Variants in VPS18 observed in about 807,000 individuals in gnomAD.
The protein encoded by VPS18 is vacuolar protein sorting-associated protein 18 homolog.
In VPS18, 25 loss-of-function variants were observed where a neutral mutation model predicts 82.0. That is an observed-to-expected ratio of 0.30 (90% confidence interval 0.22 to 0.43). VPS18 has a LOEUF of 0.43. Among genes scored for constraint, VPS18 ranks in the 20% least tolerant of loss-of-function variants. The pLI, the probability that VPS18 is intolerant of heterozygous loss-of-function variation, is 1.00. For missense variants in VPS18, 1,168 were observed against 1,311.1 expected (o/e 0.89, Z 1.69); for synonymous variants, 523 against 543.0 (o/e 0.96, Z 0.51).
Position 40,899,598 on chromosome 15 carries a change from G to T in VPS18, c.780G>T (p.Glu260Asp). The change falls in exon 4 of 5, where the codon GAG (glutamate) becomes GAT (aspartate). Residue 260 changes from glutamate to aspartate, a missense_variant. By Grantham distance (45) the Glu-to-Asp change is conservative. This residue lies in a region of VPS18 where 868 missense variants were observed against 939.8 expected (regional missense o/e 0.92). Transcript: ENST00000220509. The surrounding 1 kb of genome is among the most constrained non-coding windows in gnomAD (Gnocchi z 4.4). Reference protein sequence around the residue: ...AYTDHPPPFREFPSNLGYSEL... With the variant: ...AYTDHPPPFRDFPSNLGYSEL... Reference sequence around the variant, plus strand: ...CGGACCACCCACCCCCATTCCGTGAGTTTCCCAGCAACCTGGGCTACAGTG... The same window carrying T: ...CGGACCACCCACCCCCATTCCGTGATTTTCCCAGCAACCTGGGCTACAGTG... The T allele has an allele frequency of 6.2e-7, 1 of 1,609,694 alleles. No individual in the cohort carries two copies.
In VPS18 at chr15:40,903,277, G is replaced by T. The variant is rs199939115; in HGVS notation, c.2858G>T (p.Arg953Leu). 11 of 1,585,548 alleles carry T rather than the reference G, an allele frequency of 6.9e-6. No individual in the cohort carries two copies. Among genetic ancestry groups the T allele is most frequent in the Non-Finnish European group, 9.4e-6 (11 of 1,165,534 alleles). ...GTGTACTGTGGGGAGCTGATGATCC[G>T]CTCTATCGACCGGCCGTTCATCGAC... ...ECVYCGELMIRSIDRPFIDPQ... is the reference protein window; with the variant it reads ...ECVYCGELMILSIDRPFIDPQ... The change falls in exon 5 of 5, where the codon CGC becomes CTC. Residue 953 changes from arginine to leucine, a missense_variant. Arg to Leu is a moderately radical substitution (Grantham distance 102, BLOSUM62 -2). Coordinates refer to ENST00000220509, the MANE Select transcript of VPS18 (RefSeq NM_020857.3).
Position 40,902,869 on chromosome 15 carries a change from A to T in VPS18, c.2450A>T (p.Gln817Leu), listed in dbSNP as rs757725445. The T allele has an allele frequency of 6.2e-7, 1 of 1,614,268 alleles. No individual in the cohort carries two copies. The highest frequency in any genetic ancestry group is 1.7e-5 in the Admixed American group (1 of 60,034). The change falls in exon 5 of 5, where the codon CAG (glutamine) becomes CTG (leucine). Residue 817 changes from glutamine (Q) to leucine (L), a missense_variant. Coordinates refer to ENST00000220509, the MANE Select transcript of VPS18 (RefSeq NM_020857.3). The surrounding 1 kb of genome is among the most constrained non-coding windows in gnomAD (Gnocchi z 4.2). ...SSLKAYNHHI[Q>L]ELQREMEEAT... ...CTTAAGGCCTACAACCACCACATCC[A>T]GGAGCTGCAGCGGGAGATGGAAGAG...
chr15:40,899,182 C>T lies in VPS18; in HGVS notation c.364C>T (p.Leu122Phe), dbSNP rs1892291429. 3 of 1,614,164 alleles carry T rather than the reference C, an allele frequency of 1.9e-6. No individual in the cohort carries two copies. The highest frequency in any genetic ancestry group is 2.2e-5 in the South Asian group (2 of 91,078). The change falls in exon 4 of 5, where the codon CTC (leucine) becomes TTC (phenylalanine). Residue 122 changes from leucine to phenylalanine, a missense_variant. This residue lies in a region of VPS18 where 868 missense variants were observed against 939.8 expected (regional missense o/e 0.92). Coordinates refer to ENST00000220509, the MANE Select transcript of VPS18 (RefSeq NM_020857.3). This position sits in a 1 kb window ranked among gnomAD's most constrained non-coding sequence, Gnocchi z 4.4. ...GATTGCCCTGAGCAGCACGGAGGTCCTCTACGTGAACCGAAATGGACAGAA... is the reference window on the plus strand; with the variant it reads ...GATTGCCCTGAGCAGCACGGAGGTCTTCTACGTGAACCGAAATGGACAGAA... ...LLIALSSTEV[L>F]YVNRNGQKVR... is the part of the protein sequence containing the mutation.
Position 40,899,376 on chromosome 15 carries a change from G to A in VPS18, c.558G>A (p.Pro186=), listed in dbSNP as rs142375071. 1,028 of 1,610,086 alleles carry A rather than the reference G, an allele frequency of 6.4e-4. 2 individuals carry two copies. In the African/African-American group the frequency reaches 0.011, roughly 18 times the overall value. The change falls in exon 4 of 5, where the codon CCG becomes CCA. Residue 186 remains proline (P), a synonymous_variant. Transcript: ENST00000220509. This position sits in a 1 kb window ranked among gnomAD's most constrained non-coding sequence, Gnocchi z 4.4. The part of the protein sequence containing the change: ...ASEGGLFGPA[P]DLYFRPLYVL... ...AAGGTGGGCTTTTCGGCCCTGCTCC[G>A]GATCTCTACTTCCGCCCATTGTACG...
chr15:40,902,928 C>G lies in VPS18; in HGVS notation c.2509C>G (p.Leu837Val). 6.2e-7 allele frequency: 1 copy of G among 1,614,274 alleles called. No homozygotes were observed. Among genetic ancestry groups the G allele is most frequent in the Non-Finnish European group, 8.5e-7 (1 of 1,180,060 alleles). The change falls in exon 5 of 5, where the codon CTG (leucine) becomes GTG (valine). Residue 837 changes from leucine to valine, a missense_variant. Physicochemically the swap from Leu to Val is conservative, Grantham distance 32 (BLOSUM62 1). This residue lies in a region of VPS18 where 296 missense variants were observed against 354.0 expected (regional missense o/e 0.84). Coordinates refer to ENST00000220509, the MANE Select transcript of VPS18 (RefSeq NM_020857.3). This position sits in a 1 kb window ranked among gnomAD's most constrained non-coding sequence, Gnocchi z 4.2. ...TASAQRIRRD[L>V]QELRGRYGTV... The stretch of plus-strand genomic sequence containing the variant: ...CAGTGCCCAGCGCATCCGGCGAGAC[C>G]TGCAGGAGCTGCGGGGCCGCTACGG...
In VPS18 at chr15:40,894,486, T is replaced by A. The variant is rs760853265; in HGVS notation, c.-283T>A. The A allele has an allele frequency of 3.0e-6, 1 of 331,098 alleles. No individual in the cohort carries two copies. The highest frequency in any genetic ancestry group is 5.5e-6 in the Non-Finnish European group (1 of 182,004). The allele number at this position is 331,098 out of a possible 1,614,324, so 20.5% of individuals were successfully genotyped here. On this transcript the variant is annotated 5_prime_UTR_variant, in exon 1 of 5. Transcript: ENST00000220509. ...CTGCCGGGGCGAGGTTGGGATCACC[T>A]GGCACCGGCTGAAGGGAGCCTGTGA...
chr15:40,897,276 A>G (rs1892245851), intron 2 of VPS18, among the ~76,000 whole-genome samples: 1 of 152,024 alleles, frequency 6.6e-6, no homozygotes, highest in Admixed American at 6.6e-5. Context: ...AGCCTGGATG[A>G]CAAGAGCAAG....
rs201076093 is a variant in VPS18, at chr15:40,900,989, A to G, written c.2171A>G (p.Glu724Gly). The change falls in exon 4 of 5, where the codon GAG (glutamate) becomes GGG (glycine). Residue 724 changes from glutamate (E) to glycine (G), a missense_variant. This residue lies in a region of VPS18 where 296 missense variants were observed against 354.0 expected (regional missense o/e 0.84). Transcript: ENST00000220509. This position sits in a 1 kb window ranked among gnomAD's most constrained non-coding sequence, Gnocchi z 5.4. Reference protein sequence around the residue: ...VHVYKVLELYEEAVDLALQVD... With the variant: ...VHVYKVLELYGEAVDLALQVD... Reference sequence around the variant, plus strand: ...GTCTACAAGGTCCTAGAGCTGTATGAGGAGGCCGTGGACCTGGCCCTGCAG... The same window carrying G: ...GTCTACAAGGTCCTAGAGCTGTATGGGGAGGCCGTGGACCTGGCCCTGCAG... 79 of 1,605,300 alleles carry G rather than the reference A, an allele frequency of 4.9e-5. No homozygotes were observed. Among genetic ancestry groups the G allele is most frequent in the Admixed American group, 1.0e-4 (6 of 59,974 alleles).
At position 40,902,695 on chromosome 15, in the gene VPS18, T is replaced by A; in HGVS notation, c.2276T>A (p.Ile759Asn). 1 of 1,614,250 alleles carries A rather than the reference T, an allele frequency of 6.2e-7. No homozygotes were observed. Among genetic ancestry groups the A allele is most frequent in the Non-Finnish European group, 8.5e-7 (1 of 1,180,046 alleles). ...EELRKKLWLK[I>N]ARHVVQEEED... ...TTGCGCAAGAAGCTGTGGCTGAAGATCGCACGGCACGTGGTGCAGGAAGAG... is the reference window on the plus strand; with the variant it reads ...TTGCGCAAGAAGCTGTGGCTGAAGAACGCACGGCACGTGGTGCAGGAAGAG... The change falls in exon 5 of 5, where the codon ATC becomes AAC. Residue 759 changes from isoleucine (I) to asparagine (N), a missense_variant. Physicochemically the swap from Ile to Asn is moderately radical, Grantham distance 149 (BLOSUM62 -3). Around this residue, in one of 3 missense-constraint regions of VPS18, gnomAD observed 296 missense variants for 354.0 expected, o/e 0.84. Coordinates refer to ENST00000220509, the MANE Select transcript of VPS18 (RefSeq NM_020857.3). This position sits in a 1 kb window ranked among gnomAD's most constrained non-coding sequence, Gnocchi z 4.2.
At chr15:40,898,078 T>C (rs954665421) in intron 2 of VPS18, among the ~76,000 whole-genome samples, 1 of 151,960 alleles carries the variant, frequency 6.6e-6, no homozygotes, top group African/African-American at 2.4e-5. Flanking sequence ...GCCATTCTCC[T>C]GCCTCAGCCT....
Position 40,900,307 on chromosome 15 carries a change from G to A in VPS18, c.1489G>A (p.Glu497Lys). 2 of 1,613,808 alleles carry A rather than the reference G, an allele frequency of 1.2e-6. No homozygotes were observed. Among genetic ancestry groups the A allele is most frequent in the Non-Finnish European group, 1.7e-6 (2 of 1,180,022 alleles). The change falls in exon 4 of 5, where the codon GAG (glutamate) becomes AAG (lysine). Residue 497 changes from glutamate to lysine, a missense_variant. By Grantham distance (56) the Glu-to-Lys change is moderately conservative. This residue lies in a region of VPS18 where 868 missense variants were observed against 939.8 expected (regional missense o/e 0.92). Coordinates refer to ENST00000220509, the MANE Select transcript of VPS18 (RefSeq NM_020857.3). The surrounding 1 kb of genome is among the most constrained non-coding windows in gnomAD (Gnocchi z 5.4). The part of the protein sequence containing the change: ...QATLLTTWLT[E>K]LYLSRLGALQ... The stretch of plus-strand genomic sequence containing the variant: ...CACACTGCTGACCACCTGGCTGACA[G>A]AGCTCTACCTGAGCCGGCTTGGGGC...
Position 40,899,694 on chromosome 15 carries a change from G to T in VPS18, c.876G>T (p.Val292=). Residue 292 remains valine, a synonymous_variant, in exon 4 of 5, where the codon GTG becomes GTT. Transcript: ENST00000220509. The surrounding 1 kb of genome is among the most constrained non-coding windows in gnomAD (Gnocchi z 4.4). ...RAFAWMMGDG[V]LYGALDCGRP... ...TCGCCTGGATGATGGGGGATGGTGT[G>T]TTGTATGGGGCATTGGACTGTGGGC... 9.3e-6 allele frequency: 15 copies of T among 1,613,964 alleles called. No individual in the cohort carries two copies. Among genetic ancestry groups the T allele is most frequent in the Non-Finnish European group, 1.3e-5 (15 of 1,180,048 alleles).
rs1892324179 is a variant in VPS18 at position 40,900,211 on chromosome 15, C to T, written c.1393C>T (p.Gln465Ter). 3 of 1,613,712 alleles carry T rather than the reference C, an allele frequency of 1.9e-6. No individual in the cohort carries two copies. Among genetic ancestry groups the T allele is most frequent in the Non-Finnish European group, 2.5e-6 (3 of 1,180,032 alleles). Residue 465 changes from glutamine (Q) to a stop codon, truncating the protein, a stop_gained, in exon 4 of 5, where the codon CAG becomes TAG. Coordinates refer to ENST00000220509, the MANE Select transcript of VPS18 (RefSeq NM_020857.3). LOFTEE classifies it high-confidence loss of function. This position sits in a 1 kb window ranked among gnomAD's most constrained non-coding sequence, Gnocchi z 5.4. ...TGCCCTCAAGTTCCTGGAGGCCCGA[C>T]AGGAGGAGGCTCTGGCTGAGTTCCT... is the stretch of plus-strand genomic sequence containing the variant. ...EIALKFLEARQEEALAEFLQR... is the reference protein window; with the variant it reads ...EIALKFLEAR
chr15:40,898,976 C>T lies in VPS18; in HGVS notation c.303C>T (p.His101=). 1.2e-6 allele frequency: 2 copies of T among 1,614,072 alleles called. No homozygotes were observed. Among genetic ancestry groups the T allele is most frequent in the Non-Finnish European group, 8.5e-7 (1 of 1,180,010 alleles). Residue 101 remains histidine (H), a synonymous_variant, in exon 3 of 5, where the codon CAC becomes CAT. Coordinates refer to ENST00000220509, the MANE Select transcript of VPS18 (RefSeq NM_020857.3). The stretch of plus-strand genomic sequence containing the variant: ...GACGTAAGGATGACGCAAAAGTTCA[C>T]AAGATGTTCCTTGACCATACTGGTA... ...ELGRKDDAKV[H]KMFLDHTGSH...
Position 40,902,560 on chromosome 15 carries a change from A to G in VPS18, c.2197-56A>G. The G allele has an allele frequency of 5.1e-6, 8 of 1,558,974 alleles. No individual in the cohort carries two copies. Among genetic ancestry groups the G allele is most frequent in the Non-Finnish European group, 7.0e-6 (8 of 1,149,932 alleles). Reference sequence around the variant, plus strand: ...CTCCTCGGCCATCTCTCTCTCCCATAGTCTCCATGTTGGGCAGGGAGGGGC... The same window carrying G: ...CTCCTCGGCCATCTCTCTCTCCCATGGTCTCCATGTTGGGCAGGGAGGGGC... On this transcript the variant is annotated intron_variant, in intron 4 of 4. Coordinates refer to ENST00000220509, the MANE Select transcript of VPS18 (RefSeq NM_020857.3). The surrounding 1 kb of genome is among the most constrained non-coding windows in gnomAD (Gnocchi z 4.2).
chr15:40,900,412 C>T lies in VPS18; in HGVS notation c.1594C>T (p.His532Tyr), dbSNP rs1444026799. ...CFRTFLSSPR[H>Y]KEWLFASRAS... is the part of the protein sequence containing the mutation. ...TCGAACCTTCCTCAGCAGCCCCCGC[C>T]ACAAAGAGTGGCTCTTTGCCAGCCG... Residue 532 changes from histidine (H) to tyrosine (Y), a missense_variant, in exon 4 of 5, where the codon CAC (histidine) becomes TAC (tyrosine). Physicochemically the swap from His to Tyr is moderately conservative, Grantham distance 83. Around this residue, in one of 3 missense-constraint regions of VPS18, gnomAD observed 868 missense variants for 939.8 expected, o/e 0.92. Transcript: ENST00000220509. The surrounding 1 kb of genome is among the most constrained non-coding windows in gnomAD (Gnocchi z 5.4). 6.2e-7 allele frequency: 1 copy of T among 1,614,056 alleles called. No individual in the cohort carries two copies. The highest frequency in any genetic ancestry group is 2.2e-5 in the East Asian group (1 of 44,880).
rs1390791302 is a variant in VPS18 at position 40,900,792 on chromosome 15, G to C, written c.1974G>C (p.Glu658Asp). The C allele has an allele frequency of 6.2e-7, 1 of 1,614,102 alleles. No individual in the cohort carries two copies. Among genetic ancestry groups the C allele is most frequent in the Non-Finnish European group, 8.5e-7 (1 of 1,180,052 alleles). The change falls in exon 4 of 5, where the codon GAG becomes GAC. Residue 658 changes from glutamate (E) to aspartate (D), a missense_variant. This residue lies in a region of VPS18 where 868 missense variants were observed against 939.8 expected (regional missense o/e 0.92). Coordinates refer to ENST00000220509, the MANE Select transcript of VPS18 (RefSeq NM_020857.3). This position sits in a 1 kb window ranked among gnomAD's most constrained non-coding sequence, Gnocchi z 5.4. Reference protein sequence around the residue: ...YMEFCVNVLGETEQAIHNYLL... With the variant: ...YMEFCVNVLGDTEQAIHNYLL... ...AGTTCTGCGTGAACGTGCTGGGGGA[G>C]ACTGAGCAGGCCATCCACAACTACC...
chr15:40,894,855 C>A lies in VPS18; in HGVS notation c.87C>A (p.His29Gln). 1 of 1,551,980 alleles carries A rather than the reference C, an allele frequency of 6.4e-7. No individual in the cohort carries two copies. Among genetic ancestry groups the A allele is most frequent in the Non-Finnish European group, 8.7e-7 (1 of 1,148,114 alleles). ...QPGCPSVGIP[H>Q]SGYVNAQLEK... is the part of the protein sequence containing the mutation. ...GCTGCCCTAGCGTGGGCATCCCCCA[C>A]TCGGGTAAGGAAGAGGAGGGTGCCG... is the stretch of plus-strand genomic sequence containing the variant. Residue 29 changes from histidine to glutamine, a missense_variant, in exon 1 of 5, where the codon CAC becomes CAA. Around this residue, in one of 3 missense-constraint regions of VPS18, gnomAD observed 868 missense variants for 939.8 expected, o/e 0.92. Transcript: ENST00000220509.
Position 40,902,842 on chromosome 15 carries a change from C to T in VPS18, c.2423C>T (p.Ser808Leu). 6.2e-7 allele frequency: 1 copy of T among 1,614,250 alleles called. No individual in the cohort carries two copies. The highest frequency in any genetic ancestry group is 8.5e-7 in the Non-Finnish European group (1 of 1,180,048). The change falls in exon 5 of 5, where the codon TCA (serine) becomes TTA (leucine). Residue 808 changes from serine (S) to leucine (L), a missense_variant. This residue lies in a region of VPS18 where 296 missense variants were observed against 354.0 expected (regional missense o/e 0.84). Transcript: ENST00000220509. This position sits in a 1 kb window ranked among gnomAD's most constrained non-coding sequence, Gnocchi z 4.2. ...CACTTCAAGGAGGCGATCTGCAGCT[C>T]ACTTAAGGCCTACAACCACCACATC... ...IDHFKEAICS[S>L]LKAYNHHIQE...
Sources: gnomAD v4.1 joint callset for allele counts (sites outside exome capture counted in the v4.1 genomes callset) on GRCh38, gnomAD v4.1.1 for gene constraint, gnomAD v4.1.1 regional missense constraint, Gnocchi (gnomAD v3.1) non-coding constraint, MANE v1.5 for transcripts, NCBI Gene and HGNC (gene_info 2026-07-23, HGNC 2026-07-21) for gene names.